FANCC: variants seen among roughly 807,000 people sequenced by gnomAD.
FANCC encodes the protein FA complementation group C.
FANCC carries 55 observed loss-of-function variants against 71.3 expected under a neutral mutation model. The observed-to-expected ratio is 0.77, with a 90% CI of 0.62 to 0.97. The LOEUF (loss-of-function observed/expected upper bound fraction) is 0.97, where lower values mean the gene tolerates loss of function less well. Among genes scored for constraint, FANCC ranks in the 50% least tolerant of loss-of-function variants. The pLI is 0.00. For missense variants in FANCC, 678 were observed against 670.9 expected, an observed-to-expected ratio of 1.01 and a Z score of -0.12; for synonymous variants, 275 against 244.9, an observed-to-expected ratio of 1.12 and a Z score of -1.15.
chr9:95,153,042 C>T (rs977469791), intron 6 of FANCC, among the ~76,000 whole-genome samples: 16 of 152,174 alleles, frequency 1.1e-4, no homozygotes, highest in African/African-American at 2.7e-4. Flanking sequence ...GCCACAGGTT[C>T]GACAAGCTTG....
intron 8 of FANCC, chr9:95,127,358 G>A: frequency 6.6e-6 from 1 of 152,358 alleles, no homozygotes; most frequent in Non-Finnish European, 1.5e-5. Context: ...AGCAGGGTCC[G>A]TAACTTTCTC....
intron 1 of FANCC, chr9:95,292,415 G>T: frequency 9.2e-7 from 1 of 1,087,776 alleles, no homozygotes; most frequent in Non-Finnish European, 1.1e-6. Context: ...CGGCGGCCAC[G>T]AGAGGAGCCT....
intron 4 of FANCC, among the ~76,000 whole-genome samples, chr9:95,180,404 A>AT (rs1377212178): frequency 2.1e-5 from 3 of 143,806 alleles, no homozygotes; most frequent in Non-Finnish European, 4.5e-5. Context: ...CAGGCTAGCA[A>AT]TCACAGTTCG....
In FANCC at chr9:95,240,884, G is replaced by A. The variant is rs45623634; in HGVS notation, c.251-141C>T. The A allele has an allele frequency of 1.5e-3, 939 of 641,962 alleles. 1 individual carries two copies. Among genetic ancestry groups the A allele is most frequent in the Admixed American group, 2.2e-3 (86 of 39,336 alleles). 39.8% of individuals were successfully genotyped at this position (641,962 alleles called of 1,614,324 possible). ...CCCTGAATATAACATTTGCTTTCTCGCCATCATACTTTGCACATTCTCTTT... is the reference window on the plus strand; with the variant it reads ...CCCTGAATATAACATTTGCTTTCTCACCATCATACTTTGCACATTCTCTTT... On this transcript the variant is annotated intron_variant, in intron 3 of 14. Coordinates refer to ENST00000289081, the MANE Select transcript of FANCC (RefSeq NM_000136.3).
At chr9:95,247,331 TAAA>T in intron 3 of FANCC, 98 bp downstream of exon 3, 3 of 751,862 alleles carry the variant, frequency 4.0e-6, no homozygotes, top group Non-Finnish European at 4.4e-6. Flanking sequence ...GTTGTTCCAT[TAAA>T]AAAAAAAAAC....
intron 1 of FANCC, among the ~76,000 whole-genome samples, chr9:95,299,673 C>CA (rs1834602240): frequency 6.6e-6 from 1 of 152,096 alleles, no homozygotes; most frequent in Admixed American, 6.5e-5. Flanking sequence ...CCAGCCTGGG[C>CA]AATATAGTGA....
intron 4 of FANCC, among the ~76,000 whole-genome samples, chr9:95,184,039 T>C (rs1826553292): frequency 6.6e-6 from 1 of 152,192 alleles, no homozygotes; most frequent in African/African-American, 2.4e-5. Context: ...CATGCTACCA[T>C]GTCGAATACC....
intron 13 of FANCC, chr9:95,107,649 T>C (rs940388627): frequency 6.0e-5 from 23 of 386,350 alleles, no homozygotes; most frequent in Non-Finnish European, 9.3e-5. Flanking sequence ...CCCCACGCAG[T>C]CAGACCTCCG....
At chr9:95,243,508 G>A (rs1830752612) in intron 3 of FANCC, among the ~76,000 whole-genome samples, 1 of 152,108 alleles carries the variant, frequency 6.6e-6, no homozygotes, top group African/African-American at 2.4e-5. Context: ...TTTTGGGCCA[G>A]GCGTGGTGGT....
intron 7 of FANCC, among the ~76,000 whole-genome samples, chr9:95,141,098 C>A: frequency 6.6e-6 from 1 of 151,800 alleles, no homozygotes; most frequent in Non-Finnish European, 1.5e-5. Context: ...TTGCTTGAGT[C>A]CAGGAGTTCA....
chr9:95,163,710 A>G (rs936720058), intron 6 of FANCC, among the ~76,000 whole-genome samples: 1 of 152,166 alleles, frequency 6.6e-6, no homozygotes, highest in Admixed American at 6.5e-5. Flanking sequence ...TCATCTGGGC[A>G]TGGTGGCGTG....
chr9:95,175,133 C>T (rs185690770), intron 4 of FANCC, among the ~76,000 whole-genome samples: 1 of 152,010 alleles, frequency 6.6e-6, no homozygotes, highest in African/African-American at 2.4e-5. Flanking sequence ...GTGAGCTCAC[C>T]CCTGCCTCCG....
chr9:95,277,665 A>G lies in FANCC; in HGVS notation c.-78-28296T>C, dbSNP rs545469726. Among the ~76,000 whole-genome samples the G allele has an allele frequency of 7.3e-4, 111 of 152,220 alleles. 1 individual carries two copies. The highest frequency in any genetic ancestry group is 1.1e-3 in the Non-Finnish European group (78 of 68,032). ...AGGACAAGGAGAAAGTCTTAAAAGCAGAAATAGAAAAATAGCCCATTACTT... is the reference window on the plus strand; with the variant it reads ...AGGACAAGGAGAAAGTCTTAAAAGCGGAAATAGAAAAATAGCCCATTACTT... On this transcript the variant is annotated intron_variant, in intron 1 of 14. Transcript: ENST00000289081.
At chr9:95,112,932 G>A (rs1378277432) in intron 12 of FANCC, among the ~76,000 whole-genome samples, 1 of 152,226 alleles carries the variant, frequency 6.6e-6, no homozygotes, top group East Asian at 1.9e-4. Context: ...CACACATTCT[G>A]AGTGATGGTG....
chr9:95,165,415 T>C (rs1831010449), intron 6 of FANCC, among the ~76,000 whole-genome samples: 1 of 152,000 alleles, frequency 6.6e-6, no homozygotes, highest in Non-Finnish European at 1.5e-5. Flanking sequence ...TTTTTTAATG[T>C]AGGCATTTAC....
At chr9:95,307,574 T>C (rs1041401577) in intron 1 of FANCC, among the ~76,000 whole-genome samples, 9 of 152,234 alleles carry the variant, frequency 5.9e-5, no homozygotes, top group Non-Finnish European at 7.3e-5. Flanking sequence ...GTTTAACAAC[T>C]GAATGCATTT....
At chr9:95,221,685 AG>A (rs1829283340) in intron 4 of FANCC, among the ~76,000 whole-genome samples, 1 of 152,252 alleles carries the variant, frequency 6.6e-6, no homozygotes, top group African/African-American at 2.4e-5. Context: ...CACCTTAAGA[AG>A]AAGATAAATA....
Position 95,101,526 on chromosome 9 carries a change from G to A in FANCC, c.*181C>T. Reference sequence around the variant, plus strand: ...ATGTCTGACTGAGTCTGGGCTGAGGGACCTGGCTCTGCATTTTGTAAAATA... The same window carrying A: ...ATGTCTGACTGAGTCTGGGCTGAGGAACCTGGCTCTGCATTTTGTAAAATA... On this transcript the variant is annotated 3_prime_UTR_variant, in exon 15 of 15. Coordinates refer to ENST00000289081, the MANE Select transcript of FANCC (RefSeq NM_000136.3). The A allele has an allele frequency of 1.4e-6, 1 of 736,854 alleles. No homozygotes were observed. The allele number at this position is 736,854 out of a possible 1,614,324, so 45.6% of individuals were successfully genotyped here.
At chr9:95,304,220 A>C (rs980042875) in intron 1 of FANCC, among the ~76,000 whole-genome samples, 5 of 152,178 alleles carry the variant, frequency 3.3e-5, no homozygotes, top group Admixed American at 3.3e-4. Context: ...GCTTCACATC[A>C]AGAGGAGGGA....
Sources: gnomAD v4.1 joint callset for allele counts (sites outside exome capture counted in the v4.1 genomes callset) on GRCh38, gnomAD v4.1.1 for gene constraint, MANE v1.5 for transcripts, NCBI Gene and HGNC (gene_info 2026-07-23, HGNC 2026-07-21) for gene names.